Variants in VAT1L observed in about 807,000 individuals in gnomAD.
VAT1L encodes the protein vesicle amine transport 1 like.
A neutral mutation model predicts 44.1 loss-of-function variants in VAT1L; 34 were observed. That is an observed-to-expected ratio of 0.77 (90% confidence interval 0.59 to 1.03). VAT1L has a LOEUF of 1.03. Among genes scored for constraint, VAT1L ranks in the 50% least tolerant of loss-of-function variants. The pLI, the probability that VAT1L is intolerant of heterozygous loss-of-function variation, is 0.00. For missense variants in VAT1L, 615 were observed against 538.8 expected, an observed-to-expected ratio of 1.14 and a Z score of -1.40; for synonymous variants, 253 against 202.2, an observed-to-expected ratio of 1.25 and a Z score of -2.13.
intron 7 of VAT1L, among the ~76,000 whole-genome samples, chr16:77,932,483 A>C (rs1021042776): frequency 8.5e-5 from 13 of 152,328 alleles, no homozygotes; most frequent in Admixed American, 7.2e-4. Flanking sequence ...TTGTTGACAG[A>C]GTATACAGCA....
At chr16:77,894,040 C>T (rs1334325424) in intron 7 of VAT1L, among the ~76,000 whole-genome samples, 1 of 152,156 alleles carries the variant, frequency 6.6e-6, no homozygotes, top group Non-Finnish European at 1.5e-5. Flanking sequence ...ATACGTTGCC[C>T]AAGGTCACAC....
chr16:77,902,380 T>C (rs1336285687), intron 7 of VAT1L, among the ~76,000 whole-genome samples: 3 of 152,252 alleles, frequency 2.0e-5, no homozygotes, highest in African/African-American at 4.8e-5. Context: ...TCTTGGTAGA[T>C]GCCAAGGCAT....
At chr16:77,844,575 C>G (rs932847562) in intron 3 of VAT1L, among the ~76,000 whole-genome samples, 3 of 151,898 alleles carry the variant, frequency 2.0e-5, no homozygotes, top group Non-Finnish European at 2.9e-5. Flanking sequence ...CGCCTGGCTA[C>G]TTTTTGTATT....
At chr16:77,972,460 G>A (rs924704545) in intron 8 of VAT1L, among the ~76,000 whole-genome samples, 6 of 152,156 alleles carry the variant, frequency 3.9e-5, no homozygotes, top group Admixed American at 2.0e-4. Context: ...TGAGACTACA[G>A]GAGACCACCA....
rs528788627 is a variant in VAT1L at position 77,825,103 on chromosome 16, T to A, written c.364-143T>A. The A allele has an allele frequency of 6.3e-6, 5 of 793,548 alleles. No homozygotes were observed. The African/African-American group carries it at 6.8e-5, about 11-fold the overall frequency. The allele number at this position is 793,548 out of a possible 1,614,324, so 49.2% of individuals were successfully genotyped here. A position where few individuals can be genotyped will look rare whatever the true frequency, so the allele number is the denominator to read the frequency against. ...GCTGGTCTTGAACTCCTGATCTTGA[T>A]TGATTCACCCACCTCAGCCTCCCAA... On this transcript the variant is annotated intron_variant, in intron 2 of 8. Transcript: ENST00000302536.
chr16:77,789,011 A>C (rs2015783203), intron 1 of VAT1L, 96 bp downstream of exon 1: 1 of 1,357,444 alleles, frequency 7.4e-7, no homozygotes, highest in East Asian at 2.7e-5. Flanking sequence ...GCCCGGGTAG[A>C]ACCGCCGCGC....
At chr16:77,900,774 T>G (rs1452631071) in intron 7 of VAT1L, among the ~76,000 whole-genome samples, 1 of 151,928 alleles carries the variant, frequency 6.6e-6, no homozygotes, top group East Asian at 1.9e-4. Context: ...CCATTGTTAT[T>G]GTCAGACTGT....
intron 1 of VAT1L, among the ~76,000 whole-genome samples, chr16:77,792,153 T>C (rs2015846757): frequency 6.6e-6 from 1 of 152,234 alleles, no homozygotes. Context: ...ACTGCCGCGT[T>C]GTCAGCATTC....
chr16:77,790,190 C>T (rs2015807818), intron 1 of VAT1L, among the ~76,000 whole-genome samples: 1 of 152,206 alleles, frequency 6.6e-6, no homozygotes, highest in African/African-American at 2.4e-5. Flanking sequence ...GTGGGAGAAG[C>T]AGCCGCTGAT....
At chr16:77,817,182 T>C (rs1236167397) in intron 2 of VAT1L, 132 bp downstream of exon 2, 5 of 1,359,420 alleles carry the variant, frequency 3.7e-6, no homozygotes, top group Non-Finnish European at 4.9e-6. Flanking sequence ...ATTTGGACTG[T>C]TGACAATGTT....
At chr16:77,931,516 A>G (rs1467773355) in intron 7 of VAT1L, among the ~76,000 whole-genome samples, 6 of 152,226 alleles carry the variant, frequency 3.9e-5, no homozygotes, top group African/African-American at 1.2e-4. Flanking sequence ...GTGAAATACT[A>G]TATTTTCTGA....
chr16:77,852,026 T>G (rs561331825), intron 3 of VAT1L, among the ~76,000 whole-genome samples: 8 of 152,260 alleles, frequency 5.3e-5, no homozygotes, highest in Admixed American at 4.6e-4. Flanking sequence ...CCTTCAGAGC[T>G]AGCTTGCTTT....
At chr16:77,820,373 C>T (rs1416793090) in intron 2 of VAT1L, among the ~76,000 whole-genome samples, 1 of 152,162 alleles carries the variant, frequency 6.6e-6, no homozygotes, top group Non-Finnish European at 1.5e-5. Context: ...GCTTTAGAAT[C>T]CCCCTAAAAT....
At chr16:77,959,781 TA>T (rs1462676014) in intron 7 of VAT1L, among the ~76,000 whole-genome samples, 2 of 152,214 alleles carry the variant, frequency 1.3e-5, no homozygotes. Context: ...GTGAAGGAAC[TA>T]ACCACTCACG....
intron 7 of VAT1L, among the ~76,000 whole-genome samples, chr16:77,961,918 C>T (rs2018164165): frequency 6.6e-6 from 1 of 152,158 alleles, no homozygotes; most frequent in Non-Finnish European, 1.5e-5. Context: ...ATATTGTTGT[C>T]ATCATTTTTG....
At chr16:77,790,137 G>A (rs2015806948) in intron 1 of VAT1L, among the ~76,000 whole-genome samples, 1 of 152,132 alleles carries the variant, frequency 6.6e-6, no homozygotes, top group African/African-American at 2.4e-5. Context: ...TCACCACCTT[G>A]AGAACAGACG....
intron 7 of VAT1L, among the ~76,000 whole-genome samples, chr16:77,935,038 T>A (rs2017776893): frequency 6.6e-6 from 1 of 152,198 alleles, no homozygotes; most frequent in Non-Finnish European, 1.5e-5. Context: ...TTTCCTCTGG[T>A]ACCACGGAAT....
At chr16:77,955,728 C>T (rs369820827) in intron 7 of VAT1L, among the ~76,000 whole-genome samples, 3 of 99,946 alleles carry the variant, frequency 3.0e-5, no homozygotes, top group Admixed American at 1.0e-4. Context: ...ATCCCCCCCC[C>T]CAAAAAAAAA....
intron 7 of VAT1L, among the ~76,000 whole-genome samples, chr16:77,886,182 A>C (rs1409906003): frequency 6.6e-6 from 1 of 152,180 alleles, no homozygotes; most frequent in Non-Finnish European, 1.5e-5. Flanking sequence ...ATAATTGTGC[A>C]TGCCTTCTGC....
Sources: allele counts gnomAD v4.1 joint callset (sites outside exome capture counted in the v4.1 genomes callset), GRCh38; gene constraint gnomAD v4.1.1; transcripts MANE v1.5; gene names NCBI Gene and HGNC (gene_info 2026-07-23, HGNC 2026-07-21).